RBFOX1: variants seen among roughly 807,000 people sequenced by gnomAD.
RBFOX1 encodes the protein RNA binding protein fox-1 homolog 1.
A neutral mutation model predicts 57.7 loss-of-function variants in RBFOX1; 8 were observed. The ratio of observed to expected loss-of-function variants is 0.14; its 90% CI spans 0.08 to 0.25. The LOEUF is 0.25. RBFOX1 is among the 10% of genes least tolerant of loss of function. The pLI is 1.00. For missense variants in RBFOX1, 611 were observed against 548.5 expected (o/e 1.11, Z -1.14); for synonymous variants, 326 against 222.4 (o/e 1.47, Z -4.15).
chr16:7,064,004 T>G (rs2055276721), intron 4 of RBFOX1, among the ~76,000 whole-genome samples: 1 of 152,168 alleles, frequency 6.6e-6, no homozygotes, highest in Admixed American at 6.5e-5. Flanking sequence ...ATTATCATGT[T>G]ATATGGGCTG....
intron 2 of RBFOX1, among the ~76,000 whole-genome samples, chr16:5,560,914 T>C (rs1002918885): frequency 5.3e-5 from 8 of 152,214 alleles, no homozygotes; most frequent in Admixed American, 5.2e-4. Flanking sequence ...CATTGCAGTA[T>C]GGAGGCGTTT....
At chr16:6,229,655 C>A (rs190909913) in intron 1 of RBFOX1, among the ~76,000 whole-genome samples, 5 of 149,588 alleles carry the variant, frequency 3.3e-5, no homozygotes, top group African/African-American at 9.9e-5. Context: ...AAATTTAATG[C>A]AAAATAAAAA....
chr16:6,407,430 A>T (rs952677269), intron 2 of RBFOX1, among the ~76,000 whole-genome samples: 3 of 151,946 alleles, frequency 2.0e-5, no homozygotes, highest in African/African-American at 7.3e-5. Flanking sequence ...CTTATATACT[A>T]TCTCTATATT....
intron 2 of RBFOX1, among the ~76,000 whole-genome samples, chr16:6,372,945 G>A (rs1194481079): frequency 6.6e-6 from 1 of 152,078 alleles, no homozygotes; most frequent in African/African-American, 2.4e-5. Flanking sequence ...GGATTGTTGT[G>A]TAGAATGGAG....
intron 1 of RBFOX1, among the ~76,000 whole-genome samples, chr16:5,327,180 AAAATTT>A (rs1402207750): frequency 1.3e-5 from 2 of 152,338 alleles, no homozygotes; most frequent in Non-Finnish European, 1.5e-5. Flanking sequence ...GGAGATTCCA[AAAATTT>A]GGTGTGTAGA....
chr16:5,806,615 T>A lies in RBFOX1; in HGVS notation c.319-60688T>A, dbSNP rs574764538. On this transcript the variant is annotated intron_variant, in intron 3 of 19. Coordinates refer to the RBFOX1 transcript ENST00000641259. ...AACAAGTTGCAAGTCTGCTTTGCTGTTCAAGGGTGAAAAATCAAGCCCAAG... is the reference window on the plus strand; with the variant it reads ...AACAAGTTGCAAGTCTGCTTTGCTGATCAAGGGTGAAAAATCAAGCCCAAG... 3.3e-5 allele frequency among the ~76,000 whole-genome samples: 5 copies of A among 152,312 alleles called. No homozygotes were observed. The East Asian group carries it at 5.8e-4, about 18-fold the overall frequency.
intron 2 of RBFOX1, among the ~76,000 whole-genome samples, chr16:5,511,008 G>T (rs563882831): frequency 1.3e-5 from 2 of 152,144 alleles, no homozygotes; most frequent in African/African-American, 4.8e-5. Context: ...TTTTACTTAC[G>T]TCATTGCTGA....
intron 3 of RBFOX1, among the ~76,000 whole-genome samples, chr16:6,904,321 C>T (rs1317122907): frequency 3.3e-5 from 5 of 151,990 alleles, no homozygotes; most frequent in Non-Finnish European, 5.9e-5. Context: ...CATCTTTAGG[C>T]CAGGTGGGCT....
chr16:6,959,319 T>C (rs1001240681), intron 3 of RBFOX1, among the ~76,000 whole-genome samples: 1 of 152,158 alleles, frequency 6.6e-6, no homozygotes, highest in Non-Finnish European at 1.5e-5. Context: ...CTGTTTTTAA[T>C]CTCTCAGAAA....
At chr16:6,328,766 G>A (rs1479592707) in intron 2 of RBFOX1, among the ~76,000 whole-genome samples, 1 of 152,156 alleles carries the variant, frequency 6.6e-6, no homozygotes, top group Non-Finnish European at 1.5e-5. Context: ...ATGCCTGTTA[G>A]GGATAAACCT....
chr16:5,507,893 C>T (rs1324553993), intron 2 of RBFOX1, among the ~76,000 whole-genome samples: 1 of 152,102 alleles, frequency 6.6e-6, no homozygotes, highest in East Asian at 1.9e-4. Flanking sequence ...GCTGACACCT[C>T]CATCTTAGAG....
At chr16:6,546,555 G>A (rs2096898757) in intron 2 of RBFOX1, among the ~76,000 whole-genome samples, 1 of 152,148 alleles carries the variant, frequency 6.6e-6, no homozygotes, top group Admixed American at 6.5e-5. Flanking sequence ...ACTTTCATGT[G>A]GCATTCTCCC....
chr16:6,836,474 T>A (rs932567562), intron 3 of RBFOX1, among the ~76,000 whole-genome samples: 32 of 152,338 alleles, frequency 2.1e-4, no homozygotes, highest in African/African-American at 7.2e-4. Context: ...TGCAGAGGTA[T>A]CTTGCTTTCT....
intron 3 of RBFOX1, among the ~76,000 whole-genome samples, chr16:7,019,772 G>A (rs1230920275): frequency 6.6e-6 from 1 of 152,174 alleles, no homozygotes; most frequent in Non-Finnish European, 1.5e-5. Flanking sequence ...ACCAGGTTTA[G>A]CTTGTACAAG....
At chr16:6,806,224 C>T (rs539311748) in intron 3 of RBFOX1, among the ~76,000 whole-genome samples, 1 of 152,218 alleles carries the variant, frequency 6.6e-6, no homozygotes, top group Non-Finnish European at 1.5e-5. Flanking sequence ...GGATGTTGTT[C>T]TATAGCCAGT....
intron 3 of RBFOX1, among the ~76,000 whole-genome samples, chr16:6,912,827 C>G (rs993750504): frequency 3.3e-5 from 5 of 151,920 alleles, no homozygotes; most frequent in East Asian, 1.9e-4. Context: ...ACTGTGTTGC[C>G]CAGGCTAGAC....
At chr16:6,601,834 G>GT (rs1199036043) in intron 2 of RBFOX1, among the ~76,000 whole-genome samples, 3 of 152,182 alleles carry the variant, frequency 2.0e-5, no homozygotes, top group African/African-American at 7.2e-5. Flanking sequence ...AATTGAAGAT[G>GT]TTAAAGAGAG....
At chr16:6,087,741 C>T (rs1232938594) in intron 1 of RBFOX1, among the ~76,000 whole-genome samples, 4 of 151,176 alleles carry the variant, frequency 2.6e-5, no homozygotes, top group East Asian at 3.9e-4. Context: ...CACCCTGTGT[C>T]TCCTGGGTTC....
At position 7,688,998 on chromosome 16, in the gene RBFOX1, C is replaced by A. The variant is rs561316171; in HGVS notation, c.995+12160C>A. Among the ~76,000 whole-genome samples, 152 of 152,198 alleles carry A rather than the reference C, an allele frequency of 1.0e-3. 2 individuals are homozygous for A. Among genetic ancestry groups the A allele is most frequent in the African/African-American group, 3.5e-3 (147 of 41,550 alleles). ...AAAGCTTGGTCTTGAGCCAAGCCAA[C>A]TGTGTTCAGGTTTCACCTCTACCAC... On this transcript the variant is annotated intron_variant, in intron 14 of 15. Coordinates refer to ENST00000550418, the MANE Select transcript of RBFOX1 (RefSeq NM_018723.4).
Sources: allele counts gnomAD v4.1 joint callset (sites outside exome capture counted in the v4.1 genomes callset), GRCh38; gene constraint gnomAD v4.1.1; transcripts MANE v1.5; gene names NCBI Gene and HGNC (gene_info 2026-07-23, HGNC 2026-07-21).